Variants in RPH3AL observed in about 807,000 individuals in gnomAD.
RPH3AL encodes the protein rabphilin 3A like (without C2 domains).
In RPH3AL, 38 loss-of-function variants were observed where a neutral mutation model predicts 43.1. The observed-to-expected ratio is 0.88, with a 90% CI of 0.68 to 1.15. The LOEUF is 1.15. Ranked by LOEUF, RPH3AL falls within the 50% of genes most tolerant of loss-of-function variation. The probability of loss-of-function intolerance (pLI) is 0.00; values close to 1 mark genes in which losing one functional copy is unlikely to be tolerated. For missense variants in RPH3AL, 462 were observed against 423.2 expected (o/e 1.09, Z -0.81); for synonymous variants, 189 against 176.3 (o/e 1.07, Z -0.57).
At chr17:309,131 A>C (rs2043571270) in intron 5 of RPH3AL, among the ~76,000 whole-genome samples, 1 of 152,170 alleles carries the variant, frequency 6.6e-6, no homozygotes, top group Non-Finnish European at 1.5e-5. Context: ...CCCTGTCTCT[A>C]CAAAAAATAA....
In RPH3AL at chr17:297,325, G is replaced by A. The variant is rs551140086; in HGVS notation, c.352-15471C>T. ...CAACATAAGCAAAGTGTTTCTCTGC[G>A]AGTTCTGTGAGCCACTCTAGCAAAT... is the stretch of plus-strand genomic sequence containing the variant. On this transcript the variant is annotated intron_variant, in intron 5 of 9. Transcript: ENST00000331302. Among the ~76,000 whole-genome samples the A allele has an allele frequency of 5.3e-5, 8 of 152,324 alleles. No homozygotes were observed. In the South Asian group the frequency reaches 1.0e-3, roughly 20 times the overall value.
intron 6 of RPH3AL, among the ~76,000 whole-genome samples, chr17:251,224 G>A (rs1309538856): frequency 6.6e-6 from 1 of 152,174 alleles, no homozygotes; most frequent in Non-Finnish European, 1.5e-5. Flanking sequence ...GGTGGGATGG[G>A]TGCTTCATGG....
rs1030189981 is a variant in RPH3AL at position 331,543 on chromosome 17, G to A, written c.-37+2216C>T. The A allele has an allele frequency of 4.0e-6, 5 of 1,251,868 alleles. No homozygotes were observed. In the African/African-American group the frequency reaches 4.6e-5, roughly 12 times the overall value. 77.5% of individuals were successfully genotyped at this position (1,251,868 alleles called of 1,614,324 possible). On this transcript the variant is annotated intron_variant, in intron 2 of 9. Coordinates refer to ENST00000331302, the MANE Select transcript of RPH3AL (RefSeq NM_006987.4). ...CACAGCTGTCCTTCACTCGCACGGA[G>A]CAACCTCGGGACAGATGGTGGGAGA...
At chr17:315,586 TCC>T in intron 5 of RPH3AL, among the ~76,000 whole-genome samples, 1 of 141,876 alleles carries the variant, frequency 7.0e-6, no homozygotes, top group Admixed American at 7.0e-5. Context: ...TGACCTGTAG[TCC>T]CTGTGCTCCA....
At chr17:231,515 G>A (rs1007251279) in intron 7 of RPH3AL, among the ~76,000 whole-genome samples, 1 of 151,210 alleles carries the variant, frequency 6.6e-6, no homozygotes, top group Non-Finnish European at 1.5e-5. Context: ...GAGCTGACAG[G>A]AGCCAGGGCG....
intron 7 of RPH3AL, among the ~76,000 whole-genome samples, chr17:239,109 C>T (rs893709773): frequency 1.3e-5 from 2 of 152,102 alleles, no homozygotes; most frequent in Non-Finnish European, 2.9e-5. Flanking sequence ...CCTGCTGGGA[C>T]CCACCAAGGG....
intron 6 of RPH3AL, among the ~76,000 whole-genome samples, chr17:269,609 A>T (rs188950445): frequency 1.4e-4 from 21 of 152,232 alleles, no homozygotes; most frequent in Non-Finnish European, 1.0e-4. Flanking sequence ...TGGGCAAGTG[A>T]CCTCTTCTCT....
At chr17:302,392 G>A (rs115264269) in intron 5 of RPH3AL, among the ~76,000 whole-genome samples, 14 of 152,282 alleles carry the variant, frequency 9.2e-5, no homozygotes, top group African/African-American at 1.2e-4. Context: ...CACTACGTCC[G>A]TCCTTCGATT....
At chr17:252,097 G>C (rs1008482569) in intron 6 of RPH3AL, among the ~76,000 whole-genome samples, 3 of 151,052 alleles carry the variant, frequency 2.0e-5, no homozygotes, top group Non-Finnish European at 4.4e-5. Context: ...TCACCCTCCC[G>C]AGTAGCTGGG....
At chr17:316,145 TC>T (rs2044155744) in intron 5 of RPH3AL, among the ~76,000 whole-genome samples, 1 of 114,360 alleles carries the variant, frequency 8.7e-6, no homozygotes, top group Non-Finnish European at 1.8e-5. Flanking sequence ...GTCCCTGTGC[TC>T]CACCTCCATT....
intron 6 of RPH3AL, among the ~76,000 whole-genome samples, chr17:273,022 AAGAGACCCCAGCGAGGGCGACGTCAGGG>A (rs1361242612): frequency 0.099 from 5,577 of 56,366 alleles, 65 homozygotes; most frequent in East Asian, 0.16. Context: ...CGACATCAGG[AAGAGACCCCAGCGAGGGCGACGTCAGGG>A]AGAGACCCCA....
intron 5 of RPH3AL, among the ~76,000 whole-genome samples, chr17:314,360 G>C (rs1478102632): frequency 6.7e-6 from 1 of 149,882 alleles, no homozygotes; most frequent in Admixed American, 6.6e-5. Flanking sequence ...TCCCAGGCAG[G>C]AGTCACTGCC....
At chr17:267,246 C>T (rs1178156779) in intron 6 of RPH3AL, among the ~76,000 whole-genome samples, 1 of 152,248 alleles carries the variant, frequency 6.6e-6, no homozygotes, top group Non-Finnish European at 1.5e-5. Flanking sequence ...AGACTCCCCT[C>T]ACTTTCAACT....
chr17:238,070 T>C (rs2041442869), intron 7 of RPH3AL, among the ~76,000 whole-genome samples: 1 of 151,662 alleles, frequency 6.6e-6, no homozygotes, highest in Non-Finnish European at 1.5e-5. Context: ...GTCCGGGAAG[T>C]CGTGTGCAGT....
At chr17:339,856 G>A (rs2045065288) in intron 1 of RPH3AL, among the ~76,000 whole-genome samples, 1 of 152,178 alleles carries the variant, frequency 6.6e-6, no homozygotes, top group Non-Finnish European at 1.5e-5. Flanking sequence ...TGGCCAAACG[G>A]GAGTTCTGAG....
rs186189975 is a variant in RPH3AL at position 215,567 on chromosome 17, G to C, written c.876+87C>G. The C allele has an allele frequency of 2.6e-6, 3 of 1,159,458 alleles. No individual in the cohort carries two copies. Among genetic ancestry groups the C allele is most frequent in the South Asian group, 8.6e-5 (2 of 23,390 alleles). The allele number at this position is 1,159,458 out of a possible 1,614,324, so 71.8% of individuals were successfully genotyped here. On this transcript the variant is annotated intron_variant, in intron 9 of 9. Coordinates refer to ENST00000331302, the MANE Select transcript of RPH3AL (RefSeq NM_006987.4). The surrounding 1 kb of genome is among the most constrained non-coding windows in gnomAD (Gnocchi z 4.1). ...AACATGCAGAATTGAAAACGTCACC[G>C]ACCAGTCTCCAGTTTGGGAGGAGTG... is the stretch of plus-strand genomic sequence containing the variant.
rs991848435 is a variant in RPH3AL, at chr17:235,894, G to A, written c.613+11217C>T. Among the ~76,000 whole-genome samples, 2 of 68,726 alleles carry A rather than the reference G, an allele frequency of 2.9e-5. 1 individual carries two copies. The highest frequency in any genetic ancestry group is 6.3e-5 in the Non-Finnish European group (2 of 31,640). The allele number at this position is 68,726 out of a possible 152,430, so 45.1% of individuals were successfully genotyped here. On this transcript the variant is annotated intron_variant, in intron 7 of 9. Coordinates refer to ENST00000331302, the MANE Select transcript of RPH3AL (RefSeq NM_006987.4). ...CGGCCGAGGCTCTGCAGTAACAAGA[G>A]GGATACAGGGTTCAAAGCTGGGGTC...
Position 346,071 on chromosome 17 carries a change from T to A in RPH3AL, c.-213+6641A>T, listed in dbSNP as rs138704490. On this transcript the variant is annotated intron_variant, in intron 1 of 9. Coordinates refer to ENST00000331302, the MANE Select transcript of RPH3AL (RefSeq NM_006987.4). Reference sequence around the variant, plus strand: ...TTAGTTCCAAGTGCTTATGGAATCATCTCCTTTATCTTTCAAAGTAACCCT... The same window carrying A: ...TTAGTTCCAAGTGCTTATGGAATCAACTCCTTTATCTTTCAAAGTAACCCT... Among the ~76,000 whole-genome samples the A allele has an allele frequency of 1.4e-3, 186 of 135,282 alleles. 24 individuals are homozygous for A. The highest frequency in any genetic ancestry group is 4.1e-3 in the African/African-American group (160 of 39,498). The allele number at this position is 135,282 out of a possible 152,430, so 88.8% of individuals were successfully genotyped here. A position where few individuals can be genotyped will look rare whatever the true frequency, so the allele number is the denominator to read the frequency against.
intron 1 of RPH3AL, among the ~76,000 whole-genome samples, chr17:347,320 CTG>C (rs1317484032): frequency 6.6e-6 from 1 of 152,238 alleles, no homozygotes; most frequent in East Asian, 1.9e-4. Context: ...CAGTGGGACT[CTG>C]TATCTATGAA....
Sources: gnomAD v4.1 joint callset for allele counts (sites outside exome capture counted in the v4.1 genomes callset) on GRCh38, gnomAD v4.1.1 for gene constraint, Gnocchi (gnomAD v3.1) non-coding constraint, MANE v1.5 for transcripts, NCBI Gene and HGNC (gene_info 2026-07-23, HGNC 2026-07-21) for gene names.